The following MYO19 variants were observed in gnomAD, a reference collection of about 807,000 sequenced individuals.
MYO19 encodes the protein myosin XIX.
A neutral mutation model predicts 129.2 loss-of-function variants in MYO19; 132 were observed. The ratio of observed to expected loss-of-function variants is 1.02; its 90% CI spans 0.89 to 1.18. The LOEUF (loss-of-function observed/expected upper bound fraction) is 1.18. MYO19 is among the 50% of genes most tolerant of loss of function. MYO19 has a pLI of 0.00. For synonymous variants in MYO19, 531 were observed against 477.2 expected, an observed-to-expected ratio of 1.11 and a Z score of -1.47; for missense variants, 1,210 against 1,216.7, an observed-to-expected ratio of 0.99 and a Z score of 0.08.
chr17:36,538,932 TTAG>T (rs2074179718), upstream of MYO19: 1 of 210,846 alleles, frequency 4.7e-6, no homozygotes, highest in Non-Finnish European at 1.0e-5. Flanking sequence ...TTTTATATTT[TTAG>T]TAGAGATGGG....
At chr17:36,496,949 CTA>C (rs909197119) in intron 25 of MYO19, among the ~76,000 whole-genome samples, 1 of 152,150 alleles carries the variant, frequency 6.6e-6, no homozygotes, top group African/African-American at 2.4e-5. Context: ...CACTTTAATT[CTA>C]TGAGGCCTGG....
intron 25 of MYO19, 100 bp from the exon 26 acceptor site, chr17:36,496,506 A>G (rs1179440886): frequency 8.9e-7 from 1 of 1,124,810 alleles, no homozygotes. Context: ...GAAGGTATGG[A>G]CAAGTACTAG....
chr17:36,496,120 G>T lies in MYO19; in HGVS notation c.*131C>A. The T allele has an allele frequency of 7.8e-7, 1 of 1,287,444 alleles. No individual in the cohort carries two copies. Among genetic ancestry groups the T allele is most frequent in the Non-Finnish European group, 1.1e-6 (1 of 919,794 alleles). The allele number at this position is 1,287,444 out of a possible 1,614,324, so 79.8% of individuals were successfully genotyped here. A position where few individuals can be genotyped will look rare whatever the true frequency, so the allele number is the denominator to read the frequency against. ...CTGGGCACGGGGCTCTGGGTCGAAG[G>T]CTGGAGCCGTCACTGTTGTTCATGT... On this transcript the variant is annotated 3_prime_UTR_variant, in exon 26 of 26. Transcript: ENST00000614623.
upstream of MYO19, among the ~76,000 whole-genome samples, chr17:36,544,342 C>T (rs1163088165): frequency 2.0e-5 from 3 of 152,202 alleles, no homozygotes; most frequent in South Asian, 6.2e-4. Flanking sequence ...CCTGGCGAGC[C>T]GCGGTGTCAG....
At chr17:36,514,385 GAAAAACAC>G in intron 9 of MYO19, 53 bp downstream of exon 9, 1 of 1,145,066 alleles carries the variant, frequency 8.7e-7, no homozygotes, top group Non-Finnish European at 1.3e-6. Context: ...GTGGGGGGTT[GAAAAACAC>G]GGACCCATCC....
At chr17:36,535,021 G>C (rs913210251), upstream of MYO19, 1 of 152,416 alleles carries the variant, frequency 6.6e-6, no homozygotes, top group Non-Finnish European at 1.5e-5. Flanking sequence ...GGCTTGGCCG[G>C]GACGCCTGGT....
chr17:36,518,783 GAGAT>G (rs60496743), intron 6 of MYO19, among the ~76,000 whole-genome samples: 2,257 of 151,638 alleles, frequency 0.015, 50 homozygotes, highest in African/African-American at 0.05. Context: ...CAGGCATAGT[GAGAT>G]AGATAGATAG....
intron 7 of MYO19, 23 bp downstream of exon 7, chr17:36,515,835 T>G: frequency 6.3e-7 from 1 of 1,594,738 alleles, no homozygotes; most frequent in Non-Finnish European, 8.6e-7. Context: ...ACTGAGATAC[T>G]GTGCAAAGGA....
chr17:36,541,031 C>T (rs965414051), intron 2 of MYO19, among the ~76,000 whole-genome samples: 2 of 152,022 alleles, frequency 1.3e-5, no homozygotes, highest in Non-Finnish European at 2.9e-5. Flanking sequence ...CTCTGTTACC[C>T]AGGCTAGAGT....
At chr17:36,532,403 T>C in intron 3 of MYO19, 124 bp downstream of exon 3, 2 of 1,180,006 alleles carry the variant, frequency 1.7e-6, no homozygotes, top group Non-Finnish European at 2.5e-6. Flanking sequence ...TAAAAGGCAC[T>C]GGAGAGACAA....
chr17:36,537,026 G>C (rs1457426174), upstream of MYO19: 3 of 1,358,998 alleles, frequency 2.2e-6, no homozygotes, highest in African/African-American at 4.4e-5. Context: ...GTAAAATTAA[G>C]CCAGGTATGC....
intron 6 of MYO19, among the ~76,000 whole-genome samples, chr17:36,519,896 A>T (rs1037331645): frequency 1.3e-5 from 2 of 152,128 alleles, no homozygotes; most frequent in Non-Finnish European, 2.9e-5. Context: ...TAAAGGTGTC[A>T]CTTTTATCTG....
chr17:36,523,240 T>C (rs1324455622), intron 6 of MYO19, among the ~76,000 whole-genome samples: 1 of 147,912 alleles, frequency 6.8e-6, no homozygotes, highest in Non-Finnish European at 1.5e-5. Flanking sequence ...GTTCCTGCCA[T>C]GGGGGATTTA....
At chr17:36,519,915 C>T (rs2073035496) in intron 6 of MYO19, among the ~76,000 whole-genome samples, 1 of 152,080 alleles carries the variant, frequency 6.6e-6, no homozygotes, top group Non-Finnish European at 1.5e-5. Context: ...TGTGGGCTTA[C>T]AGTTTTTGTC....
intron 25 of MYO19, among the ~76,000 whole-genome samples, chr17:36,496,613 C>G (rs1452923681): frequency 6.6e-6 from 1 of 152,194 alleles, no homozygotes; most frequent in African/African-American, 2.4e-5. Flanking sequence ...AGAGGAATGT[C>G]TGTCACATTC....
chr17:36,507,792 C>T lies in MYO19; in HGVS notation c.1353+11G>A. 1 of 1,601,386 alleles carries T rather than the reference C, an allele frequency of 6.2e-7. No individual in the cohort carries two copies. The highest frequency in any genetic ancestry group is 8.5e-7 in the Non-Finnish European group (1 of 1,172,628). ...AAGAAGGACCTGCCTCCTGCTCACC[C>T]CATCCCTCACCTGCTGGGCCCTTAG... On this transcript the variant is annotated intron_variant, in intron 15 of 25. Coordinates refer to ENST00000614623, the MANE Select transcript of MYO19 (RefSeq NM_001163735.2).
In MYO19 at chr17:36,495,957, C is replaced by T. The variant is rs2070931005; in HGVS notation, c.*294G>A. On this transcript the variant is annotated 3_prime_UTR_variant, in exon 26 of 26. Coordinates refer to ENST00000614623, the MANE Select transcript of MYO19 (RefSeq NM_001163735.2). ...TTGGGATCCCCAGTGTAGTGACAGA[C>T]AGTCATGACTGCTGCTGAGTTTGAT... 3.4e-6 allele frequency: 3 copies of T among 895,502 alleles called. No homozygotes were observed. The highest frequency in any genetic ancestry group is 9.9e-5 in the South Asian group (2 of 20,112). The allele number at this position is 895,502 out of a possible 1,614,324, so 55.5% of individuals were successfully genotyped here.
chr17:36,500,992 C>T (rs1295273714), intron 22 of MYO19, 33 bp from the exon 23 acceptor site: 1 of 1,606,024 alleles, frequency 6.2e-7, no homozygotes. Flanking sequence ...AGGGCAGCCT[C>T]TTCTCCCCCT....
chr17:36,526,480 CA>C (rs1201067137), intron 5 of MYO19, among the ~76,000 whole-genome samples: 2 of 152,216 alleles, frequency 1.3e-5, no homozygotes, highest in African/African-American at 4.8e-5. Flanking sequence ...CACCCCACCC[CA>C]AATAACTTAT....
Sources: allele counts gnomAD v4.1 joint callset (sites outside exome capture counted in the v4.1 genomes callset), GRCh38; gene constraint gnomAD v4.1.1; transcripts MANE v1.5; gene names NCBI Gene and HGNC (gene_info 2026-07-23, HGNC 2026-07-21).